PXN: variants seen among roughly 807,000 people sequenced by gnomAD.
PXN encodes testicular tissue protein Li 134.
In PXN, 61 loss-of-function variants were observed where a neutral mutation model predicts 103.6. The observed-to-expected ratio is 0.59, with a 90% confidence interval of 0.48 to 0.73. The LOEUF is 0.73. Among genes scored for constraint, PXN ranks in the 30% least tolerant of loss-of-function variants. PXN has a pLI of 0.00. For missense variants in PXN, 1,274 were observed against 1,460.3 expected (o/e 0.87, Z 2.08); for synonymous variants, 562 against 607.8 (o/e 0.92, Z 1.11).
At position 120,224,785 on chromosome 12, in the gene PXN, C is replaced by G; in HGVS notation, c.14-408G>C. The G allele has an allele frequency of 4.3e-6, 2 of 468,658 alleles. No homozygotes were observed. The highest frequency in any genetic ancestry group is 8.5e-6 in the Non-Finnish European group (2 of 235,466). 29.0% of individuals were successfully genotyped at this position (468,658 alleles called of 1,614,324 possible). A position where few individuals can be genotyped will look rare whatever the true frequency, so the allele number is the denominator to read the frequency against. On this transcript the variant is annotated intron_variant, in intron 1 of 14. Transcript: ENST00000637617. The surrounding 1 kb of genome is among the most constrained non-coding windows in gnomAD (Gnocchi z 5.0). The stretch of plus-strand genomic sequence containing the variant: ...GGGCCCCACGTCACAGGGAGGGGCC[C>G]TGGCTATGCCAGGCCCTCACTTGAT...
intron 1 of PXN, among the ~76,000 whole-genome samples, chr12:120,261,820 G>C (rs1253114204): frequency 6.6e-6 from 1 of 152,236 alleles, no homozygotes; most frequent in Non-Finnish European, 1.5e-5. Flanking sequence ...GGTTCCAGTA[G>C]GCTGAGCATT....
rs1886596597 is a variant in PXN at position 120,225,421 on chromosome 12, A to G, written c.14-1044T>C. ...CAGGATAATAAACATCTAAAAAGCAATGGCTGCGTTTATTGCCACTTATCA... is the reference window on the plus strand; with the variant it reads ...CAGGATAATAAACATCTAAAAAGCAGTGGCTGCGTTTATTGCCACTTATCA... On this transcript the variant is annotated intron_variant, in intron 1 of 14. Coordinates refer to ENST00000637617, the MANE Select transcript of PXN (RefSeq NM_001385981.1). This position sits in a 1 kb window ranked among gnomAD's most constrained non-coding sequence, Gnocchi z 4.4. 6.6e-6 allele frequency: 1 copy of G among 152,348 alleles called. No homozygotes were observed. 9.4% of individuals were successfully genotyped at this position (152,348 alleles called of 1,614,324 possible). A position where few individuals can be genotyped will look rare whatever the true frequency, so the allele number is the denominator to read the frequency against.
At chr12:120,252,766 TAC>T (rs961921334) in intron 1 of PXN, among the ~76,000 whole-genome samples, 3 of 151,980 alleles carry the variant, frequency 2.0e-5, no homozygotes, top group African/African-American at 7.3e-5. Flanking sequence ...TGACACAGAG[TAC>T]ACACATCCCA....
intron 1 of PXN, among the ~76,000 whole-genome samples, chr12:120,237,403 A>G (rs1889299536): frequency 6.6e-6 from 1 of 152,036 alleles, no homozygotes; most frequent in African/African-American, 2.4e-5. Context: ...CATTGCTTTT[A>G]TTTTGGAGAA....
chr12:120,231,322 C>T (rs929607017), intron 1 of PXN, among the ~76,000 whole-genome samples: 4 of 152,228 alleles, frequency 2.6e-5, no homozygotes, highest in African/African-American at 9.6e-5. Context: ...GAATCCCAGA[C>T]AGGAACTGCT....
Position 120,216,479 on chromosome 12 carries a change from T to C in PXN, c.2095A>G (p.Ser699Gly). The C allele has an allele frequency of 7.2e-7, 1 of 1,385,710 alleles. No individual in the cohort carries two copies. Among genetic ancestry groups the C allele is most frequent in the Non-Finnish European group, 9.3e-7 (1 of 1,079,370 alleles). 85.8% of individuals were successfully genotyped at this position (1,385,710 alleles called of 1,614,324 possible). Residue 699 changes from serine (S) to glycine (G), a missense_variant, in exon 9 of 15, where the codon AGC (serine) becomes GGC (glycine). Around this residue, in one of 2 missense-constraint regions of PXN, gnomAD observed 1,178 missense variants for 1,309.0 expected, o/e 0.90. Transcript: ENST00000637617. This position sits in a 1 kb window ranked among gnomAD's most constrained non-coding sequence, Gnocchi z 5.1. ...LLQHRTDAAASSSSPLPSLLA... is the reference protein window; with the variant it reads ...LLQHRTDAAAGSSSPLPSLLA... ...AGGCTGGGCAGGGGAGAAGAGCTGC[T>C]GGCCGCGGCGTCTGTGCGATGCTGG...
chr12:120,238,658 T>C (rs752815324), intron 1 of PXN, among the ~76,000 whole-genome samples: 1 of 152,212 alleles, frequency 6.6e-6, no homozygotes, highest in African/African-American at 2.4e-5. Flanking sequence ...AGAAGGTTGT[T>C]TGGAAGTTGG....
rs748764163 is a variant in PXN at position 120,222,572 on chromosome 12, C to T, written c.672G>A (p.Leu224=). 7 of 1,604,816 alleles carry T rather than the reference C, an allele frequency of 4.4e-6. No homozygotes were observed. The South Asian group carries it at 7.9e-5, about 18-fold the overall frequency. The stretch of plus-strand genomic sequence containing the variant: ...ACACGGGGCTGGGCACGGAGCTCTC[C>T]AGTTCATCCAAGAGACTCTCCACAC... ...RPSVESLLDE[L]ESSVPSPVPA... The change falls in exon 5 of 15, where the codon CTG becomes CTA. Residue 224 remains leucine, a synonymous_variant. Coordinates refer to ENST00000637617, the MANE Select transcript of PXN (RefSeq NM_001385981.1). The surrounding 1 kb of genome is among the most constrained non-coding windows in gnomAD (Gnocchi z 4.7).
In PXN at chr12:120,212,997, C is replaced by T. The variant is rs1374604991; in HGVS notation, c.2980-417G>A. On this transcript the variant is annotated intron_variant, in intron 14 of 14. Coordinates refer to ENST00000637617, the MANE Select transcript of PXN (RefSeq NM_001385981.1). This position sits in a 1 kb window ranked among gnomAD's most constrained non-coding sequence, Gnocchi z 7.2. Reference sequence around the variant, plus strand: ...TTAGCCAGGTGGCTGTAACAGTGTTCCCAGAAACACAGGTGTGACACTGGT... The same window carrying T: ...TTAGCCAGGTGGCTGTAACAGTGTTTCCAGAAACACAGGTGTGACACTGGT... 1 of 163,374 alleles carries T rather than the reference C, an allele frequency of 6.1e-6. No homozygotes were observed. The highest frequency in any genetic ancestry group is 6.0e-5 in the Admixed American group (1 of 16,648). 10.1% of individuals were successfully genotyped at this position (163,374 alleles called of 1,614,324 possible).
In PXN at chr12:120,221,513, A is replaced by G. The variant is rs987328868; in HGVS notation, c.831+110T>C. ...TGACAGTGTCCCTGGCTCAGGGGCAAGGCACCCAAACACTGAGATGCCAAG... is the reference window on the plus strand; with the variant it reads ...TGACAGTGTCCCTGGCTCAGGGGCAGGGCACCCAAACACTGAGATGCCAAG... On this transcript the variant is annotated intron_variant, in intron 6 of 14. Transcript: ENST00000637617. This position sits in a 1 kb window ranked among gnomAD's most constrained non-coding sequence, Gnocchi z 6.6. The G allele has an allele frequency of 1.6e-6, 2 of 1,271,656 alleles. No homozygotes were observed. Among genetic ancestry groups the G allele is most frequent in the Non-Finnish European group, 2.2e-6 (2 of 927,904 alleles). The allele number at this position is 1,271,656 out of a possible 1,614,324, so 78.8% of individuals were successfully genotyped here. A position where few individuals can be genotyped will look rare whatever the true frequency, so the allele number is the denominator to read the frequency against.
intron 1 of PXN, among the ~76,000 whole-genome samples, chr12:120,260,948 G>C (rs1893788784): frequency 6.6e-6 from 1 of 152,204 alleles, no homozygotes; most frequent in African/African-American, 2.4e-5. Context: ...ACAGTTGGCT[G>C]CAAGTCCCGC....
In PXN at chr12:120,215,765, G is replaced by T; in HGVS notation, c.2302-104C>A. On this transcript the variant is annotated intron_variant, in intron 9 of 14. Transcript: ENST00000637617. This position sits in a 1 kb window ranked among gnomAD's most constrained non-coding sequence, Gnocchi z 4.9. The stretch of plus-strand genomic sequence containing the variant: ...AAAGGGAATCTAGGATGAGATCTGA[G>T]GGTTTCTCCCCCACCGGCAGGACCA... 7.4e-7 allele frequency: 1 copy of T among 1,342,840 alleles called. No individual in the cohort carries two copies. 83.2% of individuals were successfully genotyped at this position (1,342,840 alleles called of 1,614,324 possible). A position where few individuals can be genotyped will look rare whatever the true frequency, so the allele number is the denominator to read the frequency against.
At position 120,216,438 on chromosome 12, in the gene PXN, G is replaced by T. The variant is rs140854897; in HGVS notation, c.2136C>A (p.Pro712=). 2.1e-5 allele frequency: 29 copies of T among 1,378,810 alleles called. No homozygotes were observed. The highest frequency in any genetic ancestry group is 6.1e-5 in the African/African-American group (4 of 65,850). The allele number at this position is 1,378,810 out of a possible 1,614,324, so 85.4% of individuals were successfully genotyped here. ...CACAGGTATAAGCTGAGGGCCCCAG[G>T]GGGGAGGAGGCGAGCAGGCTGGGCA... The part of the protein sequence containing the change: ...SPLPSLLASS[P]LGPSAYTCGS... Residue 712 remains proline (P), a synonymous_variant, in exon 9 of 15, where the codon CCC becomes CCA. Transcript: ENST00000637617. This position sits in a 1 kb window ranked among gnomAD's most constrained non-coding sequence, Gnocchi z 5.1.
chr12:120,243,083 A>T (rs1890432021), intron 1 of PXN, among the ~76,000 whole-genome samples: 1 of 152,092 alleles, frequency 6.6e-6, no homozygotes, highest in Non-Finnish European at 1.5e-5. Context: ...CCAAATCACT[A>T]CCAATGAACT....
In PXN at chr12:120,224,542, G is replaced by A; in HGVS notation, c.14-165C>T. On this transcript the variant is annotated intron_variant, in intron 1 of 14. Transcript: ENST00000637617. The surrounding 1 kb of genome is among the most constrained non-coding windows in gnomAD (Gnocchi z 5.0). ...GACAGGAAGCCACCAGCCCCGACCA[G>A]CCTAACCAAGAGCCGGCTCCCAAAG... 1 of 726,106 alleles carries A rather than the reference G, an allele frequency of 1.4e-6. No homozygotes were observed. Among genetic ancestry groups the A allele is most frequent in the Non-Finnish European group, 2.5e-6 (1 of 399,702 alleles). The allele number at this position is 726,106 out of a possible 1,614,324, so 45.0% of individuals were successfully genotyped here.
intron 1 of PXN, among the ~76,000 whole-genome samples, chr12:120,262,203 A>C (rs1286662387): frequency 6.6e-6 from 1 of 152,112 alleles, no homozygotes; most frequent in Non-Finnish European, 1.5e-5. Context: ...CTGTTTTCCA[A>C]AGGGTCAAGA....
At chr12:120,243,091 A>T (rs1415873315) in intron 1 of PXN, among the ~76,000 whole-genome samples, 1 of 152,152 alleles carries the variant, frequency 6.6e-6, no homozygotes, top group Non-Finnish European at 1.5e-5. Context: ...CTACCAATGA[A>T]CTAAACACAC....
Position 120,222,458 on chromosome 12 carries a change from G to T in PXN, c.695+91C>A. ...GCAAATGGCAGACACGGGAGGGAGTGGGTGATACCAGGGCTAAGGGGACAG... is the reference window on the plus strand; with the variant it reads ...GCAAATGGCAGACACGGGAGGGAGTTGGTGATACCAGGGCTAAGGGGACAG... On this transcript the variant is annotated intron_variant, in intron 5 of 14. Coordinates refer to ENST00000637617, the MANE Select transcript of PXN (RefSeq NM_001385981.1). The surrounding 1 kb of genome is among the most constrained non-coding windows in gnomAD (Gnocchi z 4.7). 1 of 1,351,796 alleles carries T rather than the reference G, an allele frequency of 7.4e-7. No individual in the cohort carries two copies. Among genetic ancestry groups the T allele is most frequent in the Non-Finnish European group, 1.0e-6 (1 of 1,002,184 alleles). 83.7% of individuals were successfully genotyped at this position (1,351,796 alleles called of 1,614,324 possible). A position where few individuals can be genotyped will look rare whatever the true frequency, so the allele number is the denominator to read the frequency against.
chr12:120,216,526 G>A lies in PXN; in HGVS notation c.2048C>T (p.Ala683Val), dbSNP rs1049381137. ...CTGGAGCAAAGGGACAGAAGGAGAA[G>A]CCAGGACAGAGATGGTTCTTCTCAG... ...IPLRRTISVL[A>V]SPSVPLLQHR... is the part of the protein sequence containing the mutation. The change falls in exon 9 of 15, where the codon GCT becomes GTT. Residue 683 changes from alanine (A) to valine (V), a missense_variant. Around this residue, in one of 2 missense-constraint regions of PXN, gnomAD observed 1,178 missense variants for 1,309.0 expected, o/e 0.90. Transcript: ENST00000637617. This position sits in a 1 kb window ranked among gnomAD's most constrained non-coding sequence, Gnocchi z 5.1. The A allele has an allele frequency of 2.1e-6, 3 of 1,404,452 alleles. No homozygotes were observed. The highest frequency in any genetic ancestry group is 2.8e-6 in the Non-Finnish European group (3 of 1,087,792). 87.0% of individuals were successfully genotyped at this position (1,404,452 alleles called of 1,614,324 possible). A position where few individuals can be genotyped will look rare whatever the true frequency, so the allele number is the denominator to read the frequency against.
Sources: gnomAD v4.1 joint callset for allele counts (sites outside exome capture counted in the v4.1 genomes callset) on GRCh38, gnomAD v4.1.1 for gene constraint, gnomAD v4.1.1 regional missense constraint, Gnocchi (gnomAD v3.1) non-coding constraint, MANE v1.5 for transcripts, NCBI Gene and HGNC (gene_info 2026-07-23, HGNC 2026-07-21) for gene names.